The following ADORA2B variants were observed in gnomAD, a reference collection of about 807,000 sequenced individuals.
The protein encoded by ADORA2B is adenosine A2b receptor, also known as adenosine receptor A2b.
In ADORA2B, 18 loss-of-function variants were observed where a neutral mutation model predicts 20.8. The ratio of observed to expected loss-of-function variants is 0.87; its 90% CI spans 0.60 to 1.29. The LOEUF (loss-of-function observed/expected upper bound fraction) is 1.29, where lower values mean the gene tolerates loss of function less well. Among genes scored for constraint, ADORA2B ranks in the 50% most tolerant of loss-of-function variants. The probability of loss-of-function intolerance (pLI) is 0.00; values close to 1 mark genes in which losing one functional copy is unlikely to be tolerated. For synonymous variants in ADORA2B, 179 were observed against 178.3 expected (o/e 1.00, Z -0.03); for missense variants, 441 against 422.7 (o/e 1.04, Z -0.38).
the ADORA2B span, among the ~76,000 whole-genome samples, chr17:15,908,032 A>C: frequency 6.6e-6 from 1 of 152,186 alleles, no homozygotes. Context: ...ATGTGGATCA[A>C]AATGTAATTT....
the ADORA2B span, chr17:15,860,862 C>A: frequency 5.6e-6 from 1 of 179,490 alleles, no homozygotes; most frequent in Non-Finnish European, 1.2e-5. Context: ...GAAGCCAGAC[C>A]CCCACCTCTG....
At position 15,951,723 on chromosome 17, in the gene ADORA2B, C is replaced by T. The variant is rs1005792442; in HGVS notation, c.335+6140C>T. On this transcript the variant is annotated intron_variant, in intron 1 of 1. Coordinates refer to ENST00000304222, the MANE Select transcript of ADORA2B (RefSeq NM_000676.4). ...AGGATACCTGAAGGCCCTCTCCCTT[C>T]GGGGAGGGTAGAGTCAGCCTGACCT... Among the ~76,000 whole-genome samples, 5 of 152,204 alleles carry T rather than the reference C, an allele frequency of 3.3e-5. No homozygotes were observed. In the East Asian group the frequency reaches 5.8e-4, roughly 18 times the overall value.
At chr17:15,855,103 A>AT in the ADORA2B span, among the ~76,000 whole-genome samples, 1 of 150,838 alleles carries the variant, frequency 6.6e-6, no homozygotes, top group Non-Finnish European at 1.5e-5. Context: ...CTAATTCTAT[A>AT]TTTTTTTAGT....
At chr17:15,927,158 C>A in the ADORA2B span, among the ~76,000 whole-genome samples, 2 of 149,986 alleles carry the variant, frequency 1.3e-5, no homozygotes, top group African/African-American at 4.9e-5. Context: ...ACCAGCCTGG[C>A]CAACATTGTG....
chr17:15,936,240 CT>C, the ADORA2B span, among the ~76,000 whole-genome samples: 3 of 152,004 alleles, frequency 2.0e-5, no homozygotes, highest in East Asian at 5.8e-4. Context: ...ATTTCCATCT[CT>C]TTTTTTGAGA....
At chr17:15,870,643 C>T in the ADORA2B span, among the ~76,000 whole-genome samples, 1 of 151,640 alleles carries the variant, frequency 6.6e-6, no homozygotes, top group South Asian at 2.1e-4. Context: ...AAAGAACACC[C>T]ACGTTGCAGG....
the ADORA2B span, among the ~76,000 whole-genome samples, chr17:15,877,428 T>C: frequency 0.45 from 68,605 of 151,828 alleles, 17,170 homozygotes; most frequent in African/African-American, 0.67. Flanking sequence ...GAGCTGTTCC[T>C]GTGGCATGTC....
rs572726764 is a variant in ADORA2B at position 15,973,842 on chromosome 17, A to C, written c.336-837A>C. 5 of 152,356 alleles carry C rather than the reference A, an allele frequency of 3.3e-5. No individual in the cohort carries two copies. In the East Asian group the frequency reaches 9.6e-4, roughly 29 times the overall value. The allele number at this position is 152,356 out of a possible 1,614,324, so 9.4% of individuals were successfully genotyped here. ...AGTCGATCGGTTTTTGGAAACTGTG[A>C]CTTGAAGCAAAATGATGCACTGTAT... On this transcript the variant is annotated intron_variant, in intron 1 of 1. Transcript: ENST00000304222.
the ADORA2B span, among the ~76,000 whole-genome samples, chr17:15,928,482 G>A: frequency 6.6e-6 from 1 of 152,096 alleles, no homozygotes; most frequent in African/African-American, 2.4e-5. Flanking sequence ...GAGGCTGGCG[G>A]CTGAGGCGTG....
upstream of ADORA2B, among the ~76,000 whole-genome samples, chr17:15,940,708 C>A (rs920660162): frequency 3.3e-5 from 5 of 152,192 alleles, no homozygotes; most frequent in Admixed American, 1.3e-4. Flanking sequence ...GAAAGGTATG[C>A]CCCTTCCTCT....
chr17:15,917,957 G>A, the ADORA2B span, among the ~76,000 whole-genome samples: 105 of 152,332 alleles, frequency 6.9e-4, no homozygotes, highest in African/African-American at 2.3e-3. Flanking sequence ...CACTGGGCCC[G>A]GGCTGTCCTC....
the ADORA2B span, among the ~76,000 whole-genome samples, chr17:15,867,087 C>G: frequency 2.9e-4 from 44 of 152,344 alleles, no homozygotes; most frequent in African/African-American, 9.6e-4. Flanking sequence ...TCACTCAGTG[C>G]TCAATGGTGC....
the ADORA2B span, among the ~76,000 whole-genome samples, chr17:15,867,131 G>A: frequency 6.6e-6 from 1 of 152,126 alleles, no homozygotes; most frequent in Non-Finnish European, 1.5e-5. Flanking sequence ...ATCTCGGCTC[G>A]CTACAACCTC....
At chr17:15,927,843 C>T in the ADORA2B span, among the ~76,000 whole-genome samples, 1 of 152,190 alleles carries the variant, frequency 6.6e-6, no homozygotes, top group Non-Finnish European at 1.5e-5. Context: ...AAGAGTCAGG[C>T]GCAAGGTGGC....
the ADORA2B span, among the ~76,000 whole-genome samples, chr17:15,917,368 CG>C: frequency 6.6e-6 from 1 of 152,216 alleles, no homozygotes; most frequent in African/African-American, 2.4e-5. Context: ...CACGGAGTCT[CG>C]GAGTCTCGAG....
chr17:15,935,394 A>C, the ADORA2B span, among the ~76,000 whole-genome samples: 1 of 152,058 alleles, frequency 6.6e-6, no homozygotes, highest in African/African-American at 2.4e-5. Flanking sequence ...TATGGTCTCC[A>C]TGACTTCTGA....
At position 15,974,852 on chromosome 17, in the gene ADORA2B, A is replaced by G; in HGVS notation, c.509A>G (p.Lys170Arg). 6.2e-7 allele frequency: 1 copy of G among 1,614,090 alleles called. No individual in the cohort carries two copies. Among genetic ancestry groups the G allele is most frequent in the Non-Finnish European group, 8.5e-7 (1 of 1,180,024 alleles). Residue 170 changes from lysine to arginine, a missense_variant, in exon 2 of 2, where the codon AAG becomes AGG. By Grantham distance (26) the Lys-to-Arg change is conservative (BLOSUM62 2). Transcript: ENST00000304222. ...ACGAATGAAAGCTGCTGCCTTGTGA[A>G]GTGTCTCTTTGAGAATGTGGTCCCC... The part of the protein sequence containing the change: ...GTTNESCCLV[K>R]CLFENVVPMS...
At chr17:15,926,539 A>G in the ADORA2B span, among the ~76,000 whole-genome samples, 15 of 152,132 alleles carry the variant, frequency 9.9e-5, no homozygotes, top group South Asian at 2.5e-3. Context: ...TGGCAGGGAC[A>G]TACTGGTTCA....
intron 1 of ADORA2B, among the ~76,000 whole-genome samples, chr17:15,973,071 G>A (rs140586185): frequency 6.6e-6 from 1 of 152,294 alleles, no homozygotes; most frequent in African/African-American, 2.4e-5. Flanking sequence ...GTATTTCTCA[G>A]TAGACAGGGG....
Sources: gnomAD v4.1 joint callset for allele counts (sites outside exome capture counted in the v4.1 genomes callset) on GRCh38, gnomAD v4.1.1 for gene constraint, MANE v1.5 for transcripts, NCBI Gene and HGNC (gene_info 2026-07-23, HGNC 2026-07-21) for gene names.